Variants in CELF2 observed in about 807,000 individuals in gnomAD.
CELF2 encodes the protein CUGBP Elav-like family member 2, also known as CUG triplet repeat RNA-binding protein 2.
Under a neutral mutation model 62.6 loss-of-function variants are expected in CELF2, and 8 were observed. That is an observed-to-expected ratio of 0.13 (90% CI 0.07 to 0.23). The LOEUF is 0.23. CELF2 is among the 10% of genes least tolerant of loss of function. The pLI is 1.00. For synonymous variants in CELF2, 258 were observed against 250.0 expected, an observed-to-expected ratio of 1.03 and a Z score of -0.30; for missense variants, 333 against 671.0, an observed-to-expected ratio of 0.50 and a Z score of 5.56.
At chr10:11,037,694 T>C (rs2061189554) in intron 1 of CELF2, among the ~76,000 whole-genome samples, 2 of 152,226 alleles carry the variant, frequency 1.3e-5, no homozygotes, top group South Asian at 4.1e-4. Context: ...TTCATCCATT[T>C]ATTAGACTCA....
At chr10:10,843,911 C>A (rs2058845153) in intron 1 of CELF2, among the ~76,000 whole-genome samples, 1 of 151,514 alleles carries the variant, frequency 6.6e-6, no homozygotes, top group South Asian at 2.1e-4. Flanking sequence ...GATTTTTTTT[C>A]ATTGGAGATA....
chr10:10,698,164 C>G, the CELF2 span, among the ~76,000 whole-genome samples: 1 of 152,148 alleles, frequency 6.6e-6, no homozygotes, highest in Non-Finnish European at 1.5e-5. Context: ...CAGTTTATTT[C>G]GTAGATCCTA....
At chr10:10,940,978 T>TATA (rs1477951312) in intron 2 of CELF2, among the ~76,000 whole-genome samples, 1 of 152,230 alleles carries the variant, frequency 6.6e-6, no homozygotes, top group Non-Finnish European at 1.5e-5. Flanking sequence ...GTATGCCAAC[T>TATA]GTGTTAACTT....
At chr10:10,692,015 A>C in the CELF2 span, among the ~76,000 whole-genome samples, 1 of 151,646 alleles carries the variant, frequency 6.6e-6, no homozygotes, top group East Asian at 2.0e-4. Context: ...TAGTTTAATG[A>C]GATCCCATTT....
chr10:11,048,647 A>C (rs1298196894), intron 1 of CELF2, among the ~76,000 whole-genome samples: 1 of 152,248 alleles, frequency 6.6e-6, no homozygotes, highest in Non-Finnish European at 1.5e-5. Flanking sequence ...ACGCATTCAT[A>C]AAACACCTAA....
the CELF2 span, among the ~76,000 whole-genome samples, chr10:10,577,198 G>C: frequency 6.6e-6 from 1 of 152,084 alleles, no homozygotes; most frequent in South Asian, 2.1e-4. Flanking sequence ...ATCTAGACTG[G>C]ACAAGAGCTG....
intron 2 of CELF2, among the ~76,000 whole-genome samples, chr10:10,984,291 A>G (rs531265421): frequency 6.6e-6 from 1 of 152,312 alleles, no homozygotes; most frequent in African/African-American, 2.4e-5. Flanking sequence ...AAAATATAAA[A>G]CTAAACGAAG....
At chr10:10,464,649 C>G in the CELF2 span, among the ~76,000 whole-genome samples, 11 of 152,206 alleles carry the variant, frequency 7.2e-5, no homozygotes, top group South Asian at 2.1e-4. Flanking sequence ...TCTGAGCTAG[C>G]AACACCATTA....
At chr10:11,281,272 G>T (rs1285979313) in intron 8 of CELF2, among the ~76,000 whole-genome samples, 1 of 152,158 alleles carries the variant, frequency 6.6e-6, no homozygotes, top group Non-Finnish European at 1.5e-5. Flanking sequence ...GTCAGAGTTT[G>T]TGGAGACCCT....
chr10:11,139,587 T>G lies in CELF2; in HGVS notation c.75-25899T>G, dbSNP rs192478654. ...TTCCATATAGATTATGTGATTTTTATGTAAAAATGTAACCTACAAGGAAGG... is the reference window on the plus strand; with the variant it reads ...TTCCATATAGATTATGTGATTTTTAGGTAAAAATGTAACCTACAAGGAAGG... On this transcript the variant is annotated intron_variant, in intron 1 of 12. Transcript: ENST00000633077. 2.3e-4 allele frequency among the ~76,000 whole-genome samples: 35 copies of G among 152,348 alleles called. 1 individual carries two copies. The East Asian group carries it at 6.4e-3, about 28-fold the overall frequency.
the CELF2 span, among the ~76,000 whole-genome samples, chr10:10,773,330 G>A: frequency 1.3e-5 from 2 of 152,200 alleles, no homozygotes; most frequent in Non-Finnish European, 2.9e-5. Context: ...AAAACTGAAA[G>A]TGAGAAATTC....
At chr10:10,856,424 A>G (rs1333784852) in intron 1 of CELF2, among the ~76,000 whole-genome samples, 4 of 152,204 alleles carry the variant, frequency 2.6e-5, no homozygotes, top group African/African-American at 7.2e-5. Flanking sequence ...AAAGTAGAAC[A>G]GAGAGATCAA....
chr10:10,991,159 ACT>A (rs1157175223), intron 2 of CELF2, among the ~76,000 whole-genome samples: 3 of 151,714 alleles, frequency 2.0e-5, no homozygotes, highest in African/African-American at 7.3e-5. Context: ...CAAAATACAG[ACT>A]CTCTCTTTGT....
Position 11,165,475 on chromosome 10 carries a change from G to A in CELF2, c.75-11G>A, listed in dbSNP as rs748030390. ...CGCCCTAACTCTGGCTCCCGGTTCC[G>A]TTTTTGACAGTAACGGCACAGCCAA... On this transcript the variant is annotated splice_polypyrimidine_tract_variant and intron_variant, in intron 1 of 12. Transcript: ENST00000633077. This position sits in a 1 kb window ranked among gnomAD's most constrained non-coding sequence, Gnocchi z 7.4. The A allele has an allele frequency of 1.2e-5, 19 of 1,609,316 alleles. No individual in the cohort carries two copies. In the South Asian group the frequency reaches 1.2e-4, roughly 10 times the overall value.
intron 2 of CELF2, among the ~76,000 whole-genome samples, chr10:10,954,456 C>T (rs1272873006): frequency 6.6e-6 from 1 of 152,066 alleles, no homozygotes; most frequent in Non-Finnish European, 1.5e-5. Flanking sequence ...CCATGTTGGT[C>T]AGGCAGGTCC....
intron 2 of CELF2, chr10:10,966,476 G>A (rs2050134061): frequency 1.3e-5 from 2 of 152,168 alleles, no homozygotes; most frequent in Admixed American, 1.3e-4. Flanking sequence ...TTTAGCTTTT[G>A]GCAACTACAG....
the CELF2 span, among the ~76,000 whole-genome samples, chr10:10,645,698 A>G: frequency 6.6e-6 from 1 of 152,172 alleles, no homozygotes; most frequent in Non-Finnish European, 1.5e-5. Context: ...TTAGATGATA[A>G]GCTTCCAGAG....
At chr10:11,228,951 A>T (rs540743947) in intron 3 of CELF2, among the ~76,000 whole-genome samples, 2 of 152,198 alleles carry the variant, frequency 1.3e-5, no homozygotes. Flanking sequence ...TTTGAATGTT[A>T]TGTGGGTCAA....
chr10:11,281,972 G>A (rs1265664330), intron 8 of CELF2, among the ~76,000 whole-genome samples: 6 of 152,144 alleles, frequency 3.9e-5, no homozygotes, highest in Non-Finnish European at 7.3e-5. Context: ...GTGAAGCAGC[G>A]CTAGACTGGA....
Sources: allele counts gnomAD v4.1 joint callset (sites outside exome capture counted in the v4.1 genomes callset), GRCh38; gene constraint gnomAD v4.1.1; non-coding constraint Gnocchi (gnomAD v3.1); transcripts MANE v1.5; gene names NCBI Gene and HGNC (gene_info 2026-07-23, HGNC 2026-07-21).